Variants in SEPHS1 observed in about 807,000 individuals in gnomAD.
The protein encoded by SEPHS1 is zincore component SEPHS1.
A neutral mutation model predicts 39.2 loss-of-function variants in SEPHS1; 7 were observed. That is an observed-to-expected ratio of 0.18 (90% confidence interval 0.10 to 0.34). The LOEUF (loss-of-function observed/expected upper bound fraction) is 0.34. Ranked by LOEUF, SEPHS1 falls within the 10% of genes least tolerant of loss-of-function variation. SEPHS1 has a pLI of 1.00. For synonymous variants in SEPHS1, 190 were observed against 195.5 expected (o/e 0.97, Z 0.23); for missense variants, 253 against 514.5 (o/e 0.49, Z 4.92).
In SEPHS1 at chr10:13,319,872, C is replaced by T. The variant is rs1331837304; in HGVS notation, c.965-516G>A. 3.3e-5 allele frequency among the ~76,000 whole-genome samples: 5 copies of T among 152,182 alleles called. 1 individual carries two copies. In the East Asian group the frequency reaches 9.6e-4, roughly 29 times the overall value. On this transcript the variant is annotated intron_variant, in intron 8 of 8. Transcript: ENST00000327347. ...TCCAACTTTCAACTGTGAAAATGAC[C>T]TATTCGTGAACCACATAACACTGTG...
intron 1 of SEPHS1, chr10:13,345,280 G>T (rs1325115617): frequency 2.0e-5 from 4 of 198,018 alleles, no homozygotes; most frequent in Non-Finnish European, 4.0e-5. Context: ...CCAGCCTGCA[G>T]GTTCACATGA....
chr10:13,344,883 A>T lies in SEPHS1; in HGVS notation c.68T>A (p.Phe23Tyr), dbSNP rs1306213210. The T allele has an allele frequency of 2.5e-6, 4 of 1,605,270 alleles. No individual in the cohort carries two copies. The East Asian group carries it at 9.0e-5, about 36-fold the overall frequency. ...ELDKSFRLTR[F>Y]TELKGTGCKV... The stretch of plus-strand genomic sequence containing the variant: ...GCAGCCTGTGCCCTTCAGTTCAGTG[A>T]ATCTGGTTAGCCGGAAGCTTTTGTC... The change falls in exon 2 of 9, where the codon TTC becomes TAC. Residue 23 changes from phenylalanine (F) to tyrosine (Y), a missense_variant. By Grantham distance (22) the Phe-to-Tyr change is conservative (BLOSUM62 3). Around this residue, in one of 4 missense-constraint regions of SEPHS1, gnomAD observed 123 missense variants for 196.8 expected, o/e 0.62. Coordinates refer to ENST00000327347, the MANE Select transcript of SEPHS1 (RefSeq NM_012247.5).
intron 8 of SEPHS1, 81 bp from the exon 9 acceptor site, chr10:13,319,437 A>C: frequency 1.4e-6 from 2 of 1,415,356 alleles, no homozygotes; most frequent in Non-Finnish European, 2.0e-6. Flanking sequence ...CAGAGATCCA[A>C]CTTCCATCAA....
rs1174823781 is a variant in SEPHS1 at position 13,348,202 on chromosome 10, C to T, written c.-281G>A. ...CGGCGCGGCCCTGCGGGAGCCGGGC[C>T]GCCGCGCTCCCGCCGGCTGGGCGCG... On this transcript the variant is annotated 5_prime_UTR_variant, in exon 1 of 9. Transcript: ENST00000327347. 1 of 145,176 alleles carries T rather than the reference C, an allele frequency of 6.9e-6. No homozygotes were observed. Among genetic ancestry groups the T allele is most frequent in the African/African-American group, 2.5e-5 (1 of 40,334 alleles). The allele number at this position is 145,176 out of a possible 1,614,324, so 9.0% of individuals were successfully genotyped here.
chr10:13,341,689 G>A (rs914481378), intron 2 of SEPHS1, among the ~76,000 whole-genome samples: 4 of 151,998 alleles, frequency 2.6e-5, no homozygotes, highest in African/African-American at 7.2e-5. Context: ...GGGCGCGGGG[G>A]CTCATGCCTT....
At chr10:13,338,459 T>G (rs956539259) in intron 3 of SEPHS1, among the ~76,000 whole-genome samples, 2 of 152,226 alleles carry the variant, frequency 1.3e-5, no homozygotes, top group African/African-American at 4.8e-5. Context: ...CAGCATGTAC[T>G]CAGTTGCAAC....
rs1833992230 is a variant in SEPHS1, at chr10:13,348,133, G to A, written c.-212C>T. 1 of 145,174 alleles carries A rather than the reference G, an allele frequency of 6.9e-6. No homozygotes were observed. Among genetic ancestry groups the A allele is most frequent in the Admixed American group, 6.8e-5 (1 of 14,702 alleles). The allele number at this position is 145,174 out of a possible 1,614,324, so 9.0% of individuals were successfully genotyped here. On this transcript the variant is annotated 5_prime_UTR_variant, in exon 1 of 9. Transcript: ENST00000327347. Reference sequence around the variant, plus strand: ...GCGCCCGGCGGCGGCGGCGGCGGCGGGGGCCCGGGCCCGCGCCTGGGCGCC... The same window carrying A: ...GCGCCCGGCGGCGGCGGCGGCGGCGAGGGCCCGGGCCCGCGCCTGGGCGCC...
In SEPHS1 at chr10:13,317,686, T is replaced by C. The variant is rs184655803; in HGVS notation, c.*1456A>G. ...AGGAGCTTGAACTTCCCAGGGGTCA[T>C]TTCCTTTGGCAAGAAGTCAGTTTAC... On this transcript the variant is annotated 3_prime_UTR_variant, in exon 9 of 9. Coordinates refer to ENST00000327347, the MANE Select transcript of SEPHS1 (RefSeq NM_012247.5). 1.3e-5 allele frequency: 2 copies of C among 152,306 alleles called. No individual in the cohort carries two copies. Among genetic ancestry groups the C allele is most frequent in the Admixed American group, 6.5e-5 (1 of 15,304 alleles). 9.4% of individuals were successfully genotyped at this position (152,306 alleles called of 1,614,324 possible). A position where few individuals can be genotyped will look rare whatever the true frequency, so the allele number is the denominator to read the frequency against.
chr10:13,344,191 T>C (rs986709515), intron 2 of SEPHS1, among the ~76,000 whole-genome samples: 1 of 152,178 alleles, frequency 6.6e-6, no homozygotes, highest in South Asian at 2.1e-4. Context: ...ACACAGTCAC[T>C]GCCATCCAAG....
chr10:13,339,143 T>A (rs1833720522), intron 2 of SEPHS1, among the ~76,000 whole-genome samples: 1 of 152,230 alleles, frequency 6.6e-6, no homozygotes, highest in South Asian at 2.1e-4. Context: ...TGGTACCGTA[T>A]ACAATTTCTT....
At chr10:13,328,608 T>G (rs1376735961) in intron 6 of SEPHS1, among the ~76,000 whole-genome samples, 158 bp from the exon 7 acceptor site, 2 of 152,242 alleles carry the variant, frequency 1.3e-5, no homozygotes, top group South Asian at 2.1e-4. Context: ...CTGTGGATAG[T>G]ATTTTAGGTG....
chr10:13,341,500 C>G (rs1360800650), intron 2 of SEPHS1, among the ~76,000 whole-genome samples: 5 of 151,958 alleles, frequency 3.3e-5, no homozygotes, highest in African/African-American at 1.2e-4. Flanking sequence ...TCCTAGGCAC[C>G]AGGCAACAAA....
chr10:13,330,718 T>C (rs1183183941), intron 5 of SEPHS1, among the ~76,000 whole-genome samples: 2 of 152,176 alleles, frequency 1.3e-5, no homozygotes, highest in Non-Finnish European at 2.9e-5. Context: ...ACTCTCAGCT[T>C]TGAAAAATAG....
chr10:13,347,635 C>T (rs1179987363), intron 1 of SEPHS1, among the ~76,000 whole-genome samples: 1 of 147,008 alleles, frequency 6.8e-6, no homozygotes, highest in African/African-American at 2.4e-5. Context: ...CCCCGCGACC[C>T]CAGGCCGGCC....
intron 3 of SEPHS1, among the ~76,000 whole-genome samples, chr10:13,338,308 T>C (rs941037783): frequency 2.0e-5 from 3 of 152,158 alleles, no homozygotes; most frequent in Admixed American, 2.0e-4. Flanking sequence ...ATCAGTCCTA[T>C]TACAGAGGAC....
At chr10:13,346,155 A>C (rs1470516327) in intron 1 of SEPHS1, among the ~76,000 whole-genome samples, 1 of 152,234 alleles carries the variant, frequency 6.6e-6, no homozygotes, top group Non-Finnish European at 1.5e-5. Flanking sequence ...CTAAATCAGC[A>C]GCATTTCGGC....
At chr10:13,336,129 GGA>G (rs1833625435) in intron 4 of SEPHS1, 112 bp downstream of exon 4, 6 of 642,606 alleles carry the variant, frequency 9.3e-6, no homozygotes, top group African/African-American at 1.8e-5. Flanking sequence ...AGGAGTGCAG[GGA>G]GCCATATGGC....
intron 8 of SEPHS1, among the ~76,000 whole-genome samples, chr10:13,322,371 C>A (rs779313942): frequency 6.6e-6 from 1 of 151,974 alleles, no homozygotes; most frequent in Non-Finnish European, 1.5e-5. Context: ...GTCTTCAACT[C>A]CTGATCTCAC....
chr10:13,320,082 AGT>A (rs1833057724), intron 8 of SEPHS1, among the ~76,000 whole-genome samples: 1 of 152,232 alleles, frequency 6.6e-6, no homozygotes, highest in Non-Finnish European at 1.5e-5. Flanking sequence ...TATGCCCCAA[AGT>A]ATCTAGGTTC....
Sources: gnomAD v4.1 joint callset for allele counts (sites outside exome capture counted in the v4.1 genomes callset) on GRCh38, gnomAD v4.1.1 for gene constraint, gnomAD v4.1.1 regional missense constraint, MANE v1.5 for transcripts, NCBI Gene and HGNC (gene_info 2026-07-23, HGNC 2026-07-21) for gene names.